The following ABCB5 variants were observed in gnomAD, a reference collection of about 807,000 sequenced individuals.
The protein encoded by ABCB5 is ATP-binding cassette sub-family B member 5.
Under a neutral mutation model 144.2 loss-of-function variants are expected in ABCB5, and 155 were observed. The ratio of observed to expected loss-of-function variants is 1.08; its 90% CI spans 0.94 to 1.23. The LOEUF is 1.23. Ranked by LOEUF, ABCB5 falls within the 50% of genes most tolerant of loss-of-function variation. The pLI, the probability that ABCB5 is intolerant of heterozygous loss-of-function variation, is 0.00. For missense variants in ABCB5, 1,830 were observed against 1,520.8 expected (o/e 1.20, Z -3.38); for synonymous variants, 610 against 528.6 (o/e 1.15, Z -2.11).
intron 14 of ABCB5, chr7:20,659,551 C>A (rs944929714): frequency 1.0e-6 from 1 of 999,056 alleles, no homozygotes; most frequent in African/African-American, 1.7e-5. Context: ...AGTTTGAACG[C>A]TTGTTTCCCT....
intron 14 of ABCB5, chr7:20,666,806 C>T (rs764033100): frequency 1.0e-5 from 16 of 1,582,840 alleles, no homozygotes; most frequent in South Asian, 7.2e-5. Context: ...ACACTATCTA[C>T]GTTGAGGTAT....
At chr7:20,647,316 A>G in intron 9 of ABCB5, 1 of 1,297,252 alleles carries the variant, frequency 7.7e-7, no homozygotes, top group Non-Finnish European at 9.7e-7. Context: ...GAAAAGGCCA[A>G]GGATACTTGG....
At chr7:20,661,199 C>T (rs1337094476) in intron 14 of ABCB5, among the ~76,000 whole-genome samples, 1 of 152,240 alleles carries the variant, frequency 6.6e-6, no homozygotes. Flanking sequence ...TTACAGTAAG[C>T]ACAAGGCTCT....
In ABCB5 at chr7:20,676,167, T is replaced by TACACAC. The variant is rs60855145; in HGVS notation, c.1708-5310_1708-5305dup. ...TGTGACCCAGCAATTCTACTACACA[T>TACACAC]ACACACACACACACACACACACACA... On this transcript the variant is annotated intron_variant, in intron 14 of 27. Transcript: ENST00000404938. Among the ~76,000 whole-genome samples the TACACAC allele has an allele frequency of 3.9e-3, 483 of 124,590 alleles. 1 individual carries two copies. The highest frequency in any genetic ancestry group is 0.011 in the Middle Eastern group (3 of 262). The allele number at this position is 124,590 out of a possible 152,430, so 81.7% of individuals were successfully genotyped here. A position where few individuals can be genotyped will look rare whatever the true frequency, so the allele number is the denominator to read the frequency against.
intron 20 of ABCB5, among the ~76,000 whole-genome samples, chr7:20,717,674 T>C (rs1010230995): frequency 2.0e-5 from 3 of 151,780 alleles, no homozygotes; most frequent in Admixed American, 6.6e-5. Flanking sequence ...CCTGACCTCA[T>C]GATCTGCCCG....
chr7:20,747,097 C>G (rs1477657397), intron 26 of ABCB5, among the ~76,000 whole-genome samples: 1 of 152,150 alleles, frequency 6.6e-6, no homozygotes, highest in Non-Finnish European at 1.5e-5. Flanking sequence ...AGGAAGGATT[C>G]ACATATTTTT....
intron 20 of ABCB5, among the ~76,000 whole-genome samples, chr7:20,718,289 T>C (rs1378080467): frequency 1.3e-5 from 2 of 152,196 alleles, no homozygotes; most frequent in Non-Finnish European, 1.5e-5. Context: ...ATGTAGCCTA[T>C]AACATACATC....
chr7:20,647,438 T>C, intron 9 of ABCB5, 97 bp from the exon 10 acceptor site: 2 of 1,414,978 alleles, frequency 1.4e-6, no homozygotes, highest in Non-Finnish European at 1.8e-6. Context: ...TCCTCTAATA[T>C]CTCTCTGTGA....
chr7:20,703,381 T>C (rs1041996638), intron 19 of ABCB5, among the ~76,000 whole-genome samples: 2 of 152,210 alleles, frequency 1.3e-5, no homozygotes, highest in African/African-American at 2.4e-5. Flanking sequence ...CGGTGCAGAC[T>C]GTAATCTCCA....
chr7:20,666,167 T>A (rs1482101734), intron 14 of ABCB5, among the ~76,000 whole-genome samples: 1 of 131,060 alleles, frequency 7.6e-6, no homozygotes, highest in Admixed American at 7.4e-5. Flanking sequence ...TGAAACTCTG[T>A]CTCAAAAAAA....
intron 26 of ABCB5, among the ~76,000 whole-genome samples, chr7:20,749,544 T>C (rs1782851109): frequency 6.6e-6 from 1 of 151,622 alleles, no homozygotes; most frequent in Admixed American, 6.6e-5. Context: ...TATCCCAACA[T>C]CCATGCATTT....
At chr7:20,745,105 T>G in intron 25 of ABCB5, 127 bp from the exon 26 acceptor site, 1 of 1,023,656 alleles carries the variant, frequency 9.8e-7, no homozygotes, top group South Asian at 1.5e-5. Context: ...TTGGGTAACT[T>G]TATACTTTGA....
chr7:20,706,850 T>C (rs1786842758), intron 20 of ABCB5, among the ~76,000 whole-genome samples: 1 of 152,208 alleles, frequency 6.6e-6, no homozygotes, highest in Non-Finnish European at 1.5e-5. Flanking sequence ...TTAAAAAATC[T>C]AATTTTAAAA....
chr7:20,699,093 T>C (rs893031638), intron 17 of ABCB5, among the ~76,000 whole-genome samples: 6 of 152,192 alleles, frequency 3.9e-5, no homozygotes, highest in African/African-American at 1.4e-4. Flanking sequence ...TGTATGTATG[T>C]TACTAATTTT....
intron 2 of ABCB5, 50 bp from the exon 3 acceptor site, chr7:20,626,507 C>T: frequency 6.5e-7 from 1 of 1,538,308 alleles, no homozygotes; most frequent in South Asian, 1.2e-5. Flanking sequence ...AAAAATTTTG[C>T]AAATTATATT....
chr7:20,676,649 G>A (rs557014767), intron 14 of ABCB5, among the ~76,000 whole-genome samples: 130 of 152,130 alleles, frequency 8.5e-4, no homozygotes, highest in Non-Finnish European at 1.3e-3. Flanking sequence ...TATGTAAGAC[G>A]AATAAGTTCT....
intron 3 of ABCB5, among the ~76,000 whole-genome samples, chr7:20,627,216 A>G (rs988597502): frequency 6.6e-5 from 10 of 152,120 alleles, no homozygotes; most frequent in Non-Finnish European, 1.5e-5. Flanking sequence ...ACAAATATAC[A>G]TGAAACAGCC....
chr7:20,704,870 C>A, intron 20 of ABCB5, 63 bp downstream of exon 20: 1 of 1,327,452 alleles, frequency 7.5e-7, no homozygotes, highest in Non-Finnish European at 1.1e-6. Flanking sequence ...GCAATGCACA[C>A]ATGTGTCTGT....
intron 16 of ABCB5, among the ~76,000 whole-genome samples, 167 bp from the exon 17 acceptor site, chr7:20,698,240 T>A (rs1562567088): frequency 6.6e-6 from 1 of 152,166 alleles, no homozygotes. Flanking sequence ...TGCTTTAGGG[T>A]CATCGTTAAT....
Sources: allele counts gnomAD v4.1 joint callset (sites outside exome capture counted in the v4.1 genomes callset), GRCh38; gene constraint gnomAD v4.1.1; transcripts MANE v1.5; gene names NCBI Gene and HGNC (gene_info 2026-07-23, HGNC 2026-07-21).